Variants in DPYS observed in about 807,000 individuals in gnomAD.
DPYS encodes the protein dihydropyrimidinase.
DPYS carries 39 observed loss-of-function variants against 50.3 expected under a neutral mutation model. The ratio of observed to expected loss-of-function variants is 0.78; its 90% CI spans 0.60 to 1.01. DPYS has a LOEUF of 1.01. DPYS is among the 50% of genes least tolerant of loss of function. The probability of loss-of-function intolerance (pLI) is 0.00; values close to 1 mark genes in which losing one functional copy is unlikely to be tolerated. For synonymous variants in DPYS, 245 were observed against 250.7 expected (o/e 0.98, Z 0.22); for missense variants, 659 against 680.9 (o/e 0.97, Z 0.36).
At chr8:104,450,293 G>C (rs1248810051) in intron 2 of DPYS, among the ~76,000 whole-genome samples, 1 of 152,178 alleles carries the variant, frequency 6.6e-6, no homozygotes, top group African/African-American at 2.4e-5. Flanking sequence ...AACGTTAGCT[G>C]TGGACTATAA....
In DPYS at chr8:104,410,493, C is replaced by T. The variant is rs137904505; in HGVS notation, c.1235+13754G>A. ...CTTAGGCTTAAACTGAGAGCGCTTC[C>T]AAGGACATGGGAGTTTCAGTGCTAA... On this transcript the variant is annotated intron_variant, in intron 7 of 9. Transcript: ENST00000351513. 2.6e-5 allele frequency among the ~76,000 whole-genome samples: 4 copies of T among 152,266 alleles called. No individual in the cohort carries two copies. The East Asian group carries it at 7.7e-4, about 29-fold the overall frequency.
Position 104,447,450 on chromosome 8 carries a change from CT to C in DPYS, c.476del (p.Lys159ArgfsTer12), listed in dbSNP as rs1813576026. On this transcript the variant is annotated frameshift_variant, in exon 3 of 10. Coordinates refer to ENST00000351513, the MANE Select transcript of DPYS (RefSeq NM_001385.3). LOFTEE classifies it high-confidence loss of function. ...LVQDKGVNSF[K>X]MFMAYKDLYM... ...ACAGATCTTTATAGGCCATAAACAT[CT>C]TGAAAGAGTTAACACCTTTATCTTG... 1.2e-6 allele frequency: 2 copies of C among 1,614,092 alleles called. No individual in the cohort carries two copies. Among genetic ancestry groups the C allele is most frequent in the Middle Eastern group, 1.6e-4 (1 of 6,062 alleles).
chr8:104,399,087 T>C (rs917324075), intron 7 of DPYS, among the ~76,000 whole-genome samples: 1 of 151,844 alleles, frequency 6.6e-6, no homozygotes, highest in East Asian at 1.9e-4. Flanking sequence ...GGTCAGGAGT[T>C]CGAGACCAGC....
intron 8 of DPYS, among the ~76,000 whole-genome samples, chr8:104,388,316 C>T (rs1279912257): frequency 2.0e-5 from 3 of 152,014 alleles, no homozygotes; most frequent in Non-Finnish European, 2.9e-5. Flanking sequence ...ATTCCTGTTT[C>T]TCTATAAAAT....
At position 104,379,519 on chromosome 8, in the gene DPYS, AAG is replaced by A. The variant is rs1810962202; in HGVS notation, c.*337_*338del. 2 of 170,290 alleles carry A rather than the reference AAG, an allele frequency of 1.2e-5. No homozygotes were observed. Among genetic ancestry groups the A allele is most frequent in the South Asian group, 1.3e-4 (1 of 7,810 alleles). The allele number at this position is 170,290 out of a possible 1,614,324, so 10.5% of individuals were successfully genotyped here. On this transcript the variant is annotated 3_prime_UTR_variant, in exon 10 of 10. Coordinates refer to ENST00000351513, the MANE Select transcript of DPYS (RefSeq NM_001385.3). ...ACTAATGTAACCATTTTTTTAAAAA[AAG>A]AAACTATTTAAACAAGAAAATGATT...
chr8:104,405,454 G>A (rs1365889769), intron 7 of DPYS, among the ~76,000 whole-genome samples: 1 of 152,164 alleles, frequency 6.6e-6, no homozygotes, highest in Non-Finnish European at 1.5e-5. Context: ...AATTTTAATA[G>A]TAATTATCTA....
intron 7 of DPYS, among the ~76,000 whole-genome samples, chr8:104,405,758 G>GCTGCAGAA (rs1232084652): frequency 3.3e-5 from 5 of 152,352 alleles, no homozygotes; most frequent in Admixed American, 1.3e-4. Context: ...ATGCTGAAAA[G>GCTGCAGAA]CTGCAGAACT....
At chr8:104,456,983 A>T (rs1564114730) in intron 1 of DPYS, among the ~76,000 whole-genome samples, 1 of 152,228 alleles carries the variant, frequency 6.6e-6, no homozygotes, top group Non-Finnish European at 1.5e-5. Context: ...TCCAAGAGGG[A>T]TACATTCCAA....
At chr8:104,438,266 C>G (rs1312475725) in intron 4 of DPYS, among the ~76,000 whole-genome samples, 3 of 152,102 alleles carry the variant, frequency 2.0e-5, no homozygotes, top group African/African-American at 7.2e-5. Context: ...GCAAGTAGAG[C>G]TGATTCTATT....
At chr8:104,426,402 T>C (rs1812721822) in intron 6 of DPYS, among the ~76,000 whole-genome samples, 1 of 152,172 alleles carries the variant, frequency 6.6e-6, no homozygotes, top group Non-Finnish European at 1.5e-5. Context: ...GAATACACTG[T>C]AGCAAGTGAG....
chr8:104,405,962 C>G (rs1811982973), intron 7 of DPYS, among the ~76,000 whole-genome samples: 1 of 152,256 alleles, frequency 6.6e-6, no homozygotes, highest in Non-Finnish European at 1.5e-5. Context: ...AAAGAATTCA[C>G]ATATATCAAC....
intron 7 of DPYS, among the ~76,000 whole-genome samples, chr8:104,399,310 A>C (rs1454695704): frequency 0.011 from 436 of 40,342 alleles, 28 homozygotes; most frequent in African/African-American, 0.019. Flanking sequence ...AAAAAAAAAA[A>C]CAACAACAAA....
chr8:104,406,322 C>T (rs1811994010), intron 7 of DPYS, among the ~76,000 whole-genome samples: 1 of 152,172 alleles, frequency 6.6e-6, no homozygotes, highest in African/African-American at 2.4e-5. Flanking sequence ...AAATGGTTAC[C>T]TGCACTGATG....
intron 1 of DPYS, among the ~76,000 whole-genome samples, chr8:104,456,901 A>T (rs958808871): frequency 4.6e-5 from 7 of 152,212 alleles, no homozygotes; most frequent in South Asian, 2.1e-4. Context: ...AGTGGGTCAT[A>T]ATATTACACA....
At chr8:104,381,159 A>T (rs1811017325) in intron 9 of DPYS, 25 bp downstream of exon 9, 1 of 1,583,744 alleles carries the variant, frequency 6.3e-7, no homozygotes, top group African/African-American at 1.3e-5. Flanking sequence ...ATGCAGGAAG[A>T]CTTTTCTTGC....
At chr8:104,402,129 G>A (rs1811836891) in intron 7 of DPYS, among the ~76,000 whole-genome samples, 2 of 152,206 alleles carry the variant, frequency 1.3e-5, no homozygotes, top group African/African-American at 2.4e-5. Context: ...AGGTCATGGT[G>A]AGATAAATTG....
At chr8:104,454,951 T>A (rs948520824) in intron 1 of DPYS, among the ~76,000 whole-genome samples, 22 of 152,138 alleles carry the variant, frequency 1.4e-4, no homozygotes, top group African/African-American at 5.1e-4. Flanking sequence ...ATTCCAATGT[T>A]TTGCATATTT....
intron 9 of DPYS, 114 bp downstream of exon 9, chr8:104,381,070 G>C (rs1811014063): frequency 1.1e-6 from 1 of 875,414 alleles, no homozygotes; most frequent in Admixed American, 1.9e-5. Context: ...AATTGTCCTT[G>C]AGTCTTGGAT....
chr8:104,404,601 G>C (rs1811932499), intron 7 of DPYS, among the ~76,000 whole-genome samples: 2 of 152,364 alleles, frequency 1.3e-5, no homozygotes, highest in Non-Finnish European at 2.9e-5. Context: ...GGCATCAAAG[G>C]CTCCTTGGTG....
Sources: gnomAD v4.1 joint callset for allele counts (sites outside exome capture counted in the v4.1 genomes callset) on GRCh38, gnomAD v4.1.1 for gene constraint, MANE v1.5 for transcripts, NCBI Gene and HGNC (gene_info 2026-07-23, HGNC 2026-07-21) for gene names.